Variants in RASGEF1C observed in about 807,000 individuals in gnomAD.
RASGEF1C encodes the protein RasGEF domain family member 1C, also known as ras-GEF domain-containing family member 1C.
Under a neutral mutation model 58.1 loss-of-function variants are expected in RASGEF1C, and 27 were observed. The ratio of observed to expected loss-of-function variants is 0.46; its 90% confidence interval spans 0.34 to 0.64. The LOEUF (loss-of-function observed/expected upper bound fraction) is 0.64. RASGEF1C is among the 30% of genes least tolerant of loss of function. RASGEF1C has a pLI of 0.01. For missense variants in RASGEF1C, 502 were observed against 605.1 expected, an observed-to-expected ratio of 0.83 and a Z score of 1.79; for synonymous variants, 243 against 246.3, an observed-to-expected ratio of 0.99 and a Z score of 0.13.
intron 1 of RASGEF1C, among the ~76,000 whole-genome samples, chr5:180,138,517 CCTT>C (rs1378776323): frequency 2.0e-5 from 3 of 152,132 alleles, no homozygotes; most frequent in Admixed American, 6.5e-5. Context: ...CCCCTGGAGT[CCTT>C]GAGCTGGTGG....
At chr5:180,190,673 T>A (rs534209667) in intron 1 of RASGEF1C, among the ~76,000 whole-genome samples, 2 of 150,990 alleles carry the variant, frequency 1.3e-5, no homozygotes, top group Non-Finnish European at 3.0e-5. Flanking sequence ...GTCTCAAAAA[T>A]AATAATAATA....
At chr5:180,200,031 G>A (rs1561759692) in intron 1 of RASGEF1C, among the ~76,000 whole-genome samples, 1 of 152,106 alleles carries the variant, frequency 6.6e-6, no homozygotes, top group Non-Finnish European at 1.5e-5. Flanking sequence ...GGAGGTTGAG[G>A]CGGGTGGATC....
Position 180,157,818 on chromosome 5 carries a change from G to A in RASGEF1C, c.-6-19760C>T, listed in dbSNP as rs115937957. Reference sequence around the variant, plus strand: ...GGTTTCCAGGTTTAGTGGGGAGGGAGGAATAGGTGAAACACAGAGGATTTC... The same window carrying A: ...GGTTTCCAGGTTTAGTGGGGAGGGAAGAATAGGTGAAACACAGAGGATTTC... On this transcript the variant is annotated intron_variant, in intron 1 of 13. Coordinates refer to ENST00000361132, the MANE Select transcript of RASGEF1C (RefSeq NM_175062.4). Among the ~76,000 whole-genome samples, 1,333 of 152,224 alleles carry A rather than the reference G, an allele frequency of 8.8e-3. 23 individuals carry two copies. Among genetic ancestry groups the A allele is most frequent in the African/African-American group, 0.03 (1,230 of 41,526 alleles).
chr5:180,147,361 C>T (rs574219722), intron 1 of RASGEF1C, among the ~76,000 whole-genome samples: 2 of 151,110 alleles, frequency 1.3e-5, no homozygotes, highest in African/African-American at 2.4e-5. Context: ...TTAGTTTGTT[C>T]CTCTTTTTCT....
intron 6 of RASGEF1C, among the ~76,000 whole-genome samples, chr5:180,122,755 A>C (rs1370804947): frequency 4.3e-4 from 62 of 144,706 alleles, no homozygotes; most frequent in African/African-American, 1.5e-3. Flanking sequence ...AAAAAAAAAA[A>C]AACTAAAACA....
intron 12 of RASGEF1C, among the ~76,000 whole-genome samples, chr5:180,103,552 C>A (rs918612628): frequency 6.6e-6 from 1 of 152,174 alleles, no homozygotes; most frequent in Non-Finnish European, 1.5e-5. Flanking sequence ...TATCCTGCAA[C>A]CTTGCTGAAC....
At chr5:180,127,728 G>A (rs745349537) in intron 5 of RASGEF1C, 45 bp from the exon 6 acceptor site, 1 of 1,585,406 alleles carries the variant, frequency 6.3e-7, no homozygotes, top group East Asian at 2.3e-5. Flanking sequence ...AAGGTATGGG[G>A]AGGGGGTGTC....
rs1766879139 is a variant in RASGEF1C at position 180,158,049 on chromosome 5, G to C, written c.-6-19991C>G. Among the ~76,000 whole-genome samples, 1 of 152,216 alleles carries C rather than the reference G, an allele frequency of 6.6e-6. No individual in the cohort carries two copies. The highest frequency in any genetic ancestry group is 2.4e-5 in the African/African-American group (1 of 41,464). On this transcript the variant is annotated intron_variant, in intron 1 of 13. Coordinates refer to ENST00000361132, the MANE Select transcript of RASGEF1C (RefSeq NM_175062.4). This position sits in a 1 kb window ranked among gnomAD's most constrained non-coding sequence, Gnocchi z 4.0. Reference sequence around the variant, plus strand: ...GTCGATAATGGGGGAGGCTCTGCATGTGTGGAGGCAGGGGGATGTGGGAAA... The same window carrying C: ...GTCGATAATGGGGGAGGCTCTGCATCTGTGGAGGCAGGGGGATGTGGGAAA...
rs78701906 is a variant in RASGEF1C at position 180,170,814 on chromosome 5, G to A, written c.-6-32756C>T. 8.5e-3 allele frequency among the ~76,000 whole-genome samples: 1,290 copies of A among 152,264 alleles called. 25 individuals are homozygous for A. Among genetic ancestry groups the A allele is most frequent in the African/African-American group, 0.029 (1,214 of 41,524 alleles). On this transcript the variant is annotated intron_variant, in intron 1 of 13. Coordinates refer to ENST00000361132, the MANE Select transcript of RASGEF1C (RefSeq NM_175062.4). ...TCACAGGTGCATTGTGGCATACCCC[G>A]GTCCTGCTCCGCTTGTCTTCAGGGC...
At position 180,198,145 on chromosome 5, in the gene RASGEF1C, G is replaced by A. The variant is rs888559302; in HGVS notation, c.-7+10883C>T. Among the ~76,000 whole-genome samples, 1 of 152,214 alleles carries A rather than the reference G, an allele frequency of 6.6e-6. No individual in the cohort carries two copies. Among genetic ancestry groups the A allele is most frequent in the Non-Finnish European group, 1.5e-5 (1 of 68,034 alleles). On this transcript the variant is annotated intron_variant, in intron 1 of 13. Coordinates refer to ENST00000361132, the MANE Select transcript of RASGEF1C (RefSeq NM_175062.4). This position sits in a 1 kb window ranked among gnomAD's most constrained non-coding sequence, Gnocchi z 4.5. ...GGGGCACCATTGGTGGCAGGACCCT[G>A]GGCAGTAAGGCCCTAAGGAAACTGG... is the stretch of plus-strand genomic sequence containing the variant.
chr5:180,154,427 T>G (rs1403747933), intron 1 of RASGEF1C, among the ~76,000 whole-genome samples: 1 of 152,156 alleles, frequency 6.6e-6, no homozygotes, highest in Non-Finnish European at 1.5e-5. Context: ...TTCTTCAGTG[T>G]CTTTTGTTCT....
At chr5:180,135,749 T>C (rs1333538521) in intron 4 of RASGEF1C, among the ~76,000 whole-genome samples, 7 of 152,212 alleles carry the variant, frequency 4.6e-5, no homozygotes, top group Non-Finnish European at 1.0e-4. Context: ...CCCAAGCCGC[T>C]GGGGTTCCTG....
At chr5:180,118,895 C>T (rs756851704) in intron 8 of RASGEF1C, 29 bp from the exon 9 acceptor site, 1 of 1,607,986 alleles carries the variant, frequency 6.2e-7, no homozygotes, top group South Asian at 1.1e-5. Flanking sequence ...TTGGAGAGGG[C>T]TGCTCCTGGG....
intron 12 of RASGEF1C, 137 bp from the exon 13 acceptor site, chr5:180,102,280 T>C (rs1328007697): frequency 1.6e-6 from 1 of 609,820 alleles, no homozygotes; most frequent in South Asian, 2.0e-5. Context: ...CCTCCCCTAA[T>C]ACTGTGCTGT....
chr5:180,150,822 G>T (rs981005357), intron 1 of RASGEF1C, among the ~76,000 whole-genome samples: 1 of 152,046 alleles, frequency 6.6e-6, no homozygotes, highest in South Asian at 2.1e-4. Context: ...AAACCCCATC[G>T]TCTCAGCCCA....
chr5:180,129,495 A>C (rs1582271247), intron 4 of RASGEF1C, among the ~76,000 whole-genome samples: 1 of 152,206 alleles, frequency 6.6e-6, no homozygotes, highest in East Asian at 1.9e-4. Flanking sequence ...GCAGCACCCC[A>C]GGGCCCTGGC....
chr5:180,190,659 C>G (rs1756147988), intron 1 of RASGEF1C, among the ~76,000 whole-genome samples: 1 of 151,172 alleles, frequency 6.6e-6, no homozygotes, highest in Admixed American at 6.6e-5. Flanking sequence ...CAGAGCTAGA[C>G]CCTGTCTCAA....
intron 1 of RASGEF1C, among the ~76,000 whole-genome samples, chr5:180,148,254 T>C (rs1766688935): frequency 1.3e-5 from 2 of 152,224 alleles, no homozygotes; most frequent in South Asian, 2.1e-4. Flanking sequence ...AATGAATCTC[T>C]TGTGGACAAT....
chr5:180,180,358 C>T (rs1161383753), intron 1 of RASGEF1C, among the ~76,000 whole-genome samples: 1 of 152,234 alleles, frequency 6.6e-6, no homozygotes, highest in Non-Finnish European at 1.5e-5. Flanking sequence ...TTCCTAAAGC[C>T]AGTGCCACCA....
Sources: gnomAD v4.1 joint callset for allele counts (sites outside exome capture counted in the v4.1 genomes callset) on GRCh38, gnomAD v4.1.1 for gene constraint, Gnocchi (gnomAD v3.1) non-coding constraint, MANE v1.5 for transcripts, NCBI Gene and HGNC (gene_info 2026-07-23, HGNC 2026-07-21) for gene names.